The following MOSMO variants were observed in gnomAD, a reference collection of about 807,000 sequenced individuals.
MOSMO encodes the protein modulator of smoothened.
A neutral mutation model predicts 18.4 loss-of-function variants in MOSMO; 5 were observed. The observed-to-expected ratio is 0.27, with a 90% CI of 0.14 to 0.57. The LOEUF (loss-of-function observed/expected upper bound fraction) is 0.57. MOSMO is among the 20% of genes least tolerant of loss of function. The pLI is 0.92. For missense variants in MOSMO, 138 were observed against 211.8 expected, an observed-to-expected ratio of 0.65 and a Z score of 2.16; for synonymous variants, 82 against 82.3, an observed-to-expected ratio of 1.00 and a Z score of 0.02.
At chr16:22,077,023 C>A (rs1306603337) in intron 2 of MOSMO, among the ~76,000 whole-genome samples, 1 of 152,086 alleles carries the variant, frequency 6.6e-6, no homozygotes, top group Non-Finnish European at 1.5e-5. Context: ...AGAAACAGTG[C>A]GGCTAAAGTT....
intron 1 of MOSMO, among the ~76,000 whole-genome samples, chr16:22,045,984 G>A (rs1215784611): frequency 2.6e-5 from 4 of 151,294 alleles, no homozygotes; most frequent in Non-Finnish European, 5.9e-5. Flanking sequence ...CCAGTAACTC[G>A]TCATTTAACA....
chr16:22,039,495 T>C (rs1178724614), intron 1 of MOSMO, among the ~76,000 whole-genome samples: 1 of 152,100 alleles, frequency 6.6e-6, no homozygotes, highest in Non-Finnish European at 1.5e-5. Flanking sequence ...GAAAGTTAGG[T>C]TTGGAATTTT....
chr16:22,010,670 G>A (rs937507298), intron 1 of MOSMO, among the ~76,000 whole-genome samples: 3 of 152,206 alleles, frequency 2.0e-5, no homozygotes, highest in African/African-American at 7.2e-5. Context: ...TGTAATCCCA[G>A]CACTTTGGGA....
At chr16:22,048,384 C>A (rs116556624) in intron 1 of MOSMO, among the ~76,000 whole-genome samples, 232 of 152,206 alleles carry the variant, frequency 1.5e-3, no homozygotes, top group African/African-American at 5.3e-3. Context: ...CAACATCAAC[C>A]CAAAAGGTGC....
intron 1 of MOSMO, among the ~76,000 whole-genome samples, chr16:22,032,799 C>T (rs1016134038): frequency 2.0e-5 from 3 of 152,156 alleles, no homozygotes; most frequent in Non-Finnish European, 2.9e-5. Context: ...CCTCTTACCT[C>T]GACCTCCCAA....
intron 2 of MOSMO, among the ~76,000 whole-genome samples, chr16:22,080,120 A>T (rs930864955): frequency 1.3e-5 from 2 of 152,162 alleles, no homozygotes; most frequent in Non-Finnish European, 2.9e-5. Flanking sequence ...AAGATAAGTG[A>T]TGCTTATTTA....
intron 1 of MOSMO, among the ~76,000 whole-genome samples, chr16:22,054,543 T>G (rs1018547712): frequency 6.6e-6 from 1 of 152,232 alleles, no homozygotes; most frequent in African/African-American, 2.4e-5. Context: ...TACCTCTCTC[T>G]TTATATTGTT....
At chr16:22,027,098 A>G (rs1294163992) in intron 1 of MOSMO, among the ~76,000 whole-genome samples, 3 of 152,238 alleles carry the variant, frequency 2.0e-5, no homozygotes, top group African/African-American at 7.2e-5. Flanking sequence ...TATAATTTTA[A>G]AAGGAAGTAA....
At chr16:22,064,120 A>G (rs1598020436) in intron 1 of MOSMO, among the ~76,000 whole-genome samples, 2 of 152,342 alleles carry the variant, frequency 1.3e-5, no homozygotes, top group South Asian at 4.1e-4. Flanking sequence ...CTCTAATTTT[A>G]TGACTGCTTT....
At chr16:22,091,104 A>G (rs1435838353), downstream of MOSMO, among the ~76,000 whole-genome samples, 1 of 151,984 alleles carries the variant, frequency 6.6e-6, no homozygotes, top group East Asian at 1.9e-4. Context: ...GATGGGCACA[A>G]GGACCCTCAT....
chr16:22,070,765 G>A lies in MOSMO; in HGVS notation c.107-4722G>A, dbSNP rs73533975. 7.9e-3 allele frequency among the ~76,000 whole-genome samples: 1,198 copies of A among 152,196 alleles called. 17 individuals are homozygous for A. Among genetic ancestry groups the A allele is most frequent in the African/African-American group, 0.027 (1,138 of 41,524 alleles). ...ATCACCACTAGCTATGTTTCTAGAG[G>A]AAAAAATTAGGTGTGTGACGTTTTT... On this transcript the variant is annotated intron_variant, in intron 1 of 2. Transcript: ENST00000542527.
chr16:22,015,478 T>C (rs544975069), intron 1 of MOSMO, among the ~76,000 whole-genome samples: 1 of 152,326 alleles, frequency 6.6e-6, no homozygotes, highest in East Asian at 1.9e-4. Flanking sequence ...CTCAGTTTTT[T>C]ACTTCCAAGC....
intron 1 of MOSMO, among the ~76,000 whole-genome samples, chr16:22,024,266 A>G (rs771031738): frequency 5.3e-5 from 8 of 152,044 alleles, no homozygotes; most frequent in Non-Finnish European, 1.0e-4. Context: ...TGTTGATTGA[A>G]TGAGTGAAAT....
chr16:22,061,295 C>T (rs1290803494), intron 1 of MOSMO, among the ~76,000 whole-genome samples: 1 of 152,158 alleles, frequency 6.6e-6, no homozygotes, highest in African/African-American at 2.4e-5. Flanking sequence ...CCTCAGTAAA[C>T]CTAATGTCAG....
chr16:22,025,448 ATGGACAAC>A (rs1185918855), intron 1 of MOSMO, among the ~76,000 whole-genome samples: 3 of 152,192 alleles, frequency 2.0e-5, no homozygotes, highest in Non-Finnish European at 4.4e-5. Flanking sequence ...ATTCTAGTCC[ATGGACAAC>A]TGGCCACAGT....
At position 22,081,623 on chromosome 16, in the gene MOSMO, T is replaced by G. The variant is rs1006670739; in HGVS notation, c.*743T>G. The G allele has an allele frequency of 3.3e-5, 4 of 121,152 alleles. No homozygotes were observed. Among genetic ancestry groups the G allele is most frequent in the Non-Finnish European group, 6.8e-5 (4 of 58,852 alleles). 7.5% of individuals were successfully genotyped at this position (121,152 alleles called of 1,614,324 possible). A position where few individuals can be genotyped will look rare whatever the true frequency, so the allele number is the denominator to read the frequency against. ...ATGCAGTATACAGTGTGTATATATG[T>G]GTGTGTGTGTGTGTGTGTATGTGTG... On this transcript the variant is annotated 3_prime_UTR_variant, in exon 3 of 3. Coordinates refer to ENST00000542527, the MANE Select transcript of MOSMO (RefSeq NM_001164579.2).
At chr16:22,048,270 C>T (rs578113473) in intron 1 of MOSMO, among the ~76,000 whole-genome samples, 49 of 152,308 alleles carry the variant, frequency 3.2e-4, no homozygotes, top group African/African-American at 1.2e-3. Flanking sequence ...GTACCTCCCT[C>T]ATAGGGTTGT....
intron 1 of MOSMO, among the ~76,000 whole-genome samples, chr16:22,024,915 T>A (rs1899845005): frequency 6.6e-6 from 1 of 152,052 alleles, no homozygotes; most frequent in African/African-American, 2.4e-5. Flanking sequence ...TTTGGGAGGC[T>A]GAGATGGGAG....
chr16:22,023,725 GTT>G (rs1899811024), intron 1 of MOSMO, among the ~76,000 whole-genome samples: 1 of 152,022 alleles, frequency 6.6e-6, no homozygotes, highest in Admixed American at 6.5e-5. Context: ...TCAGTGGTCA[GTT>G]TCCATTGTCT....
Sources: gnomAD v4.1 joint callset for allele counts (sites outside exome capture counted in the v4.1 genomes callset) on GRCh38, gnomAD v4.1.1 for gene constraint, MANE v1.5 for transcripts, NCBI Gene and HGNC (gene_info 2026-07-23, HGNC 2026-07-21) for gene names.